HS3ST2: variants seen among roughly 807,000 people sequenced by gnomAD.
The protein encoded by HS3ST2 is heparan sulfate-glucosamine 3-sulfotransferase 2, also known as heparan sulfate glucosamine 3-O-sulfotransferase 2.
Under a neutral mutation model 26.3 loss-of-function variants are expected in HS3ST2, and 17 were observed. The ratio of observed to expected loss-of-function variants is 0.65; its 90% CI spans 0.44 to 0.97. HS3ST2 has a LOEUF of 0.97. Among genes scored for constraint, HS3ST2 ranks in the 50% least tolerant of loss-of-function variants. The pLI, the probability that HS3ST2 is intolerant of heterozygous loss-of-function variation, is 0.00. For missense variants in HS3ST2, 402 were observed against 501.2 expected (o/e 0.80, Z 1.89); for synonymous variants, 237 against 219.2 (o/e 1.08, Z -0.72).
At chr16:22,882,559 C>A (rs1902002424) in intron 1 of HS3ST2, among the ~76,000 whole-genome samples, 1 of 151,970 alleles carries the variant, frequency 6.6e-6, no homozygotes, top group Non-Finnish European at 1.5e-5. Context: ...CATGACGAAA[C>A]CCTGTCTCCA....
At chr16:22,837,119 G>GT (rs11435002) in intron 1 of HS3ST2, among the ~76,000 whole-genome samples, 104,294 of 146,958 alleles carry the variant, frequency 0.71, 37,580 homozygotes, top group South Asian at 0.84. Context: ...TGCCTATACA[G>GT]TTTTTTTTTT....
At chr16:22,818,800 CCCTTCCTT>C (rs1176676166) in intron 1 of HS3ST2, among the ~76,000 whole-genome samples, 1 of 7,294 alleles carries the variant, frequency 1.4e-4, no homozygotes, top group East Asian at 0.01. Context: ...CTCCCTCCCT[CCCTTCCTT>C]CCTTCCTTCC....
intron 1 of HS3ST2, among the ~76,000 whole-genome samples, chr16:22,863,647 C>T (rs1901709828): frequency 6.6e-6 from 1 of 152,118 alleles, no homozygotes; most frequent in African/African-American, 2.4e-5. Context: ...GTCCTGGGAC[C>T]CATCTTCTGG....
At chr16:22,881,607 T>C (rs1901991485) in intron 1 of HS3ST2, among the ~76,000 whole-genome samples, 1 of 152,102 alleles carries the variant, frequency 6.6e-6, no homozygotes, top group South Asian at 2.1e-4. Context: ...GAGGTCAACA[T>C]AAGGGAAGAT....
chr16:22,895,070 CTTTT>C (rs55861016), intron 1 of HS3ST2, among the ~76,000 whole-genome samples: 2 of 134,720 alleles, frequency 1.5e-5, no homozygotes, highest in African/African-American at 2.7e-5. Flanking sequence ...TTCTTTCTTT[CTTTT>C]TTTTTTTTTT....
At chr16:22,837,354 AC>A (rs1474136142) in intron 1 of HS3ST2, among the ~76,000 whole-genome samples, 1 of 151,790 alleles carries the variant, frequency 6.6e-6, no homozygotes, top group African/African-American at 2.4e-5. Context: ...CATAGCAAGT[AC>A]TATATAGGAG....
At chr16:22,872,005 G>A (rs557514885) in intron 1 of HS3ST2, among the ~76,000 whole-genome samples, 7 of 152,298 alleles carry the variant, frequency 4.6e-5, no homozygotes, top group Middle Eastern at 3.4e-3. Context: ...GATGGTGCCA[G>A]TGCTTCTCCA....
chr16:22,872,896 A>G (rs371703233), intron 1 of HS3ST2, among the ~76,000 whole-genome samples: 60 of 152,318 alleles, frequency 3.9e-4, no homozygotes, highest in African/African-American at 1.4e-3. Flanking sequence ...TTCAACCACC[A>G]GTACTGAGAT....
chr16:22,866,363 G>GGTGTGTGTGT (rs1442625101), intron 1 of HS3ST2, among the ~76,000 whole-genome samples: 24 of 115,100 alleles, frequency 2.1e-4, no homozygotes, highest in African/African-American at 7.9e-4. Flanking sequence ...TTGACAATAT[G>GGTGTGTGTGT]GTGTGCGTGT....
At chr16:22,843,636 G>A (rs1337210988) in intron 1 of HS3ST2, among the ~76,000 whole-genome samples, 7 of 152,204 alleles carry the variant, frequency 4.6e-5, no homozygotes, top group Admixed American at 3.9e-4. Context: ...CCGAGTGGAT[G>A]AGCTCTGTCT....
chr16:22,905,270 ACTTGCTTGCATGTGCAAGGGATGACC>A (rs1902335924), intron 1 of HS3ST2, among the ~76,000 whole-genome samples: 1 of 152,144 alleles, frequency 6.6e-6, no homozygotes, highest in African/African-American at 2.4e-5. Context: ...GCAGGTTCCC[ACTTGCTTGCATGTGCAAGGGATGACC>A]CTTGGGTGGA....
intron 1 of HS3ST2, among the ~76,000 whole-genome samples, chr16:22,863,223 G>A (rs762870614): frequency 6.6e-5 from 10 of 152,172 alleles, no homozygotes; most frequent in East Asian, 5.8e-4. Flanking sequence ...AGTAGACATC[G>A]TTGCCGATTT....
intron 1 of HS3ST2, among the ~76,000 whole-genome samples, chr16:22,828,471 T>C (rs1901122533): frequency 1.3e-5 from 2 of 152,204 alleles, no homozygotes; most frequent in African/African-American, 4.8e-5. Context: ...TGATAACACC[T>C]TCCTGCGAGA....
At chr16:22,877,601 G>A (rs1189656610) in intron 1 of HS3ST2, among the ~76,000 whole-genome samples, 1 of 152,170 alleles carries the variant, frequency 6.6e-6, no homozygotes, top group Admixed American at 6.5e-5. Context: ...GCTGAGAAGG[G>A]TGCAGGTTTG....
Position 22,915,635 on chromosome 16 carries a change from G to C in HS3ST2, c.*73G>C. 3 of 1,488,310 alleles carry C rather than the reference G, an allele frequency of 2.0e-6. No individual in the cohort carries two copies. The highest frequency in any genetic ancestry group is 2.7e-6 in the Non-Finnish European group (3 of 1,102,668). The allele number at this position is 1,488,310 out of a possible 1,614,324, so 92.2% of individuals were successfully genotyped here. The stretch of plus-strand genomic sequence containing the variant: ...CGTGAGATTTGCTCCCAGACCCTCT[G>C]ATCTCCCTCCAACAAACCCTGGCTC... On this transcript the variant is annotated 3_prime_UTR_variant, in exon 2 of 2. Transcript: ENST00000261374.
intron 1 of HS3ST2, among the ~76,000 whole-genome samples, chr16:22,913,706 A>G (rs1004705419): frequency 7.2e-5 from 11 of 152,244 alleles, no homozygotes; most frequent in African/African-American, 2.2e-4. Context: ...TTATACAATA[A>G]AAAGTAATTC....
At chr16:22,825,853 T>C (rs1473273330) in intron 1 of HS3ST2, among the ~76,000 whole-genome samples, 1 of 152,164 alleles carries the variant, frequency 6.6e-6, no homozygotes, top group Non-Finnish European at 1.5e-5. Context: ...TGAAACCCCA[T>C]CTCTACTAAA....
chr16:22,884,475 G>T (rs907791223), intron 1 of HS3ST2, among the ~76,000 whole-genome samples: 1 of 151,820 alleles, frequency 6.6e-6, no homozygotes, highest in Non-Finnish European at 1.5e-5. Flanking sequence ...GGGACTCTCC[G>T]TAACTTCTCA....
intron 1 of HS3ST2, among the ~76,000 whole-genome samples, chr16:22,883,269 C>T (rs1284746299): frequency 6.6e-6 from 1 of 152,292 alleles, no homozygotes; most frequent in East Asian, 1.9e-4. Flanking sequence ...AACTATTGTC[C>T]ATAACATCAG....
Sources: gnomAD v4.1 joint callset for allele counts (sites outside exome capture counted in the v4.1 genomes callset) on GRCh38, gnomAD v4.1.1 for gene constraint, MANE v1.5 for transcripts, NCBI Gene and HGNC (gene_info 2026-07-23, HGNC 2026-07-21) for gene names.